CPAMD8: variants seen among roughly 807,000 people sequenced by gnomAD.
CPAMD8 encodes C3 and PZP like alpha-2-macroglobulin domain containing 8, also known as C3 and PZP-like alpha-2-macroglobulin domain-containing protein 8.
CPAMD8 carries 146 observed loss-of-function variants against 224.7 expected under a neutral mutation model. The observed-to-expected ratio is 0.65, with a 90% CI of 0.57 to 0.75. The LOEUF (loss-of-function observed/expected upper bound fraction) is 0.75. Ranked by LOEUF, CPAMD8 falls within the 30% of genes least tolerant of loss-of-function variation. CPAMD8 has a pLI of 0.00. For synonymous variants in CPAMD8, 966 were observed against 1,044.6 expected (o/e 0.92, Z 1.45); for missense variants, 2,301 against 2,537.5 (o/e 0.91, Z 2.00).
At chr19:16,944,938 A>C (rs2054020744) in intron 22 of CPAMD8, among the ~76,000 whole-genome samples, 1 of 152,126 alleles carries the variant, frequency 6.6e-6, no homozygotes, top group Non-Finnish European at 1.5e-5. Context: ...TGATGTGTCC[A>C]AGCAGCCAAG....
At chr19:16,942,846 A>T (rs2053946348) in intron 22 of CPAMD8, among the ~76,000 whole-genome samples, 1 of 152,176 alleles carries the variant, frequency 6.6e-6, no homozygotes, top group Non-Finnish European at 1.5e-5. Context: ...AGCCTGCATG[A>T]TGCACGAATA....
chr19:17,005,874 G>A (rs914517191), intron 7 of CPAMD8, among the ~76,000 whole-genome samples: 1 of 152,160 alleles, frequency 6.6e-6, no homozygotes, highest in Admixed American at 6.5e-5. Flanking sequence ...TGTTTTGTAA[G>A]GGGTCTGTGG....
rs769719516 is a variant in CPAMD8 at position 16,997,211 on chromosome 19, G to T, written c.995C>A (p.Ala332Glu). The change falls in exon 11 of 42, where the codon GCG (alanine) becomes GAG (glutamate). Residue 332 changes from alanine (A) to glutamate (E), a missense_variant. By Grantham distance (107) the Ala-to-Glu change is moderately radical. Around this residue, in one of 4 missense-constraint regions of CPAMD8, gnomAD observed 301 missense variants for 406.6 expected, o/e 0.74. Coordinates refer to ENST00000443236, the MANE Select transcript of CPAMD8 (RefSeq NM_015692.5). ...CTGCACGGGGGTGGAGTCATCGAAC[G>T]CGACCTGCTGGCTCCCGTCCACACT... ...VTSVDGSQQV[A>E]FDDSTPVQRQ... is the part of the protein sequence containing the mutation. 6.4e-7 allele frequency: 1 copy of T among 1,572,148 alleles called. No individual in the cohort carries two copies.
At chr19:16,929,270 A>G (rs745677160) in intron 23 of CPAMD8, 30 bp from the exon 24 acceptor site, 2 of 1,559,838 alleles carry the variant, frequency 1.3e-6, no homozygotes, top group Non-Finnish European at 1.7e-6. Flanking sequence ...TGGGGAGTTG[A>G]GAGGGCACCT....
chr19:16,980,521 G>A lies in CPAMD8; in HGVS notation c.1561C>T (p.Arg521Cys), dbSNP rs762584662. ...CCTGTCTCAGAAAGGTGTGTTAAAC[G>A]AATCGGTTTCTCCAGGGCAGGGGCC... ...RAAPALEKPI[R>C]LTHLSETEPP... Residue 521 changes from arginine (R) to cysteine (C), a missense_variant, in exon 14 of 42, where the codon CGT (arginine) becomes TGT (cysteine). Around this residue, in one of 4 missense-constraint regions of CPAMD8, gnomAD observed 301 missense variants for 406.6 expected, o/e 0.74. Coordinates refer to ENST00000443236, the MANE Select transcript of CPAMD8 (RefSeq NM_015692.5). 105 of 1,613,678 alleles carry A rather than the reference G, an allele frequency of 6.5e-5. No homozygotes were observed. Among genetic ancestry groups the A allele is most frequent in the Non-Finnish European group, 8.2e-5 (97 of 1,179,978 alleles).
chr19:16,894,921 A>AACACACACACAC (rs3032709), intron 41 of CPAMD8: 3,759 of 151,638 alleles, frequency 0.025, 173 homozygotes, highest in African/African-American at 0.086. Context: ...CCATCTCTAC[A>AACACACACACAC]ACACACACAC....
In CPAMD8 at chr19:16,906,407, T is replaced by TTTCCTTCCTTCC. The variant is rs553500267; in HGVS notation, c.4027+533_4027+544dup. 1.8e-3 allele frequency among the ~76,000 whole-genome samples: 125 copies of TTTCCTTCCTTCC among 69,876 alleles called. 2 individuals are homozygous for TTTCCTTCCTTCC. The highest frequency in any genetic ancestry group is 6.8e-3 in the African/African-American group (105 of 15,490). The allele number at this position is 69,876 out of a possible 152,430, so 45.8% of individuals were successfully genotyped here. On this transcript the variant is annotated intron_variant, in intron 30 of 41. Coordinates refer to ENST00000443236, the MANE Select transcript of CPAMD8 (RefSeq NM_015692.5). ...CTTTCTTTCTTTCTTTCTTTCTTTC[T>TTTCCTTCCTTCC]TTCCTTCCTTCCTTCCTTCCTTCCT...
At chr19:16,923,427 CA>C (rs1248986775) in intron 26 of CPAMD8, among the ~76,000 whole-genome samples, 3 of 152,146 alleles carry the variant, frequency 2.0e-5, no homozygotes, top group African/African-American at 7.2e-5. Context: ...AATCTGAGGG[CA>C]CCACTGTGTG....
chr19:16,955,296 GAA>G (rs57169828), intron 19 of CPAMD8, among the ~76,000 whole-genome samples: 46,529 of 129,746 alleles, frequency 0.36, 8,759 homozygotes, highest in African/African-American at 0.57. Flanking sequence ...TCCATCTCAA[GAA>G]AAAAAAAAAA....
At chr19:16,946,983 C>A (rs2054123053) in intron 21 of CPAMD8, 91 bp downstream of exon 21, 1 of 1,355,654 alleles carries the variant, frequency 7.4e-7, no homozygotes, top group Non-Finnish European at 1.0e-6. Flanking sequence ...ACCTGCTGCC[C>A]CATCCACCCC....
At position 16,975,504 on chromosome 19, in the gene CPAMD8, C is replaced by T. The variant is rs8101421; in HGVS notation, c.1909-246G>A. Among the ~76,000 whole-genome samples, 292 of 151,992 alleles carry T rather than the reference C, an allele frequency of 1.9e-3. 1 individual carries two copies. Among genetic ancestry groups the T allele is most frequent in the African/African-American group, 6.3e-3 (262 of 41,454 alleles). ...GGAGGCTGGCTTGTGCAAAGGAGTT[C>T]GAGACCAGCCTGGGCAACATAGCAA... On this transcript the variant is annotated intron_variant, in intron 16 of 41. Coordinates refer to ENST00000443236, the MANE Select transcript of CPAMD8 (RefSeq NM_015692.5).
At chr19:17,021,519 G>C (rs908349563) in intron 2 of CPAMD8, among the ~76,000 whole-genome samples, 3 of 152,190 alleles carry the variant, frequency 2.0e-5, no homozygotes, top group Non-Finnish European at 2.9e-5. Context: ...ACAGCTTTCT[G>C]AGCCAGGGAT....
At chr19:16,936,490 C>A (rs1004687793) in intron 23 of CPAMD8, among the ~76,000 whole-genome samples, 1 of 152,058 alleles carries the variant, frequency 6.6e-6, no homozygotes, top group Non-Finnish European at 1.5e-5. Flanking sequence ...GCAACCTCTG[C>A]CTCCCAGGTT....
At chr19:16,929,731 A>C (rs1335101358) in intron 23 of CPAMD8, among the ~76,000 whole-genome samples, 1 of 152,192 alleles carries the variant, frequency 6.6e-6, no homozygotes, top group Non-Finnish European at 1.5e-5. Flanking sequence ...CAAAAAGATA[A>C]GATGCTCAGG....
intron 20 of CPAMD8, among the ~76,000 whole-genome samples, chr19:16,948,822 G>C: frequency 8.4e-6 from 1 of 118,430 alleles, no homozygotes; most frequent in Admixed American, 8.6e-5. Flanking sequence ...AGAGGGGAAG[G>C]GAAGGGAAGG....
Position 17,011,518 on chromosome 19 carries a change from T to C in CPAMD8, c.434-2A>G. On this transcript the variant is annotated splice_acceptor_variant, in intron 4 of 41. Coordinates refer to ENST00000443236, the MANE Select transcript of CPAMD8 (RefSeq NM_015692.5). LOFTEE classifies it high-confidence loss of function. ...AGACGGTGAAGATGCTTATGAGCACTAGAAGAAAGAAGAGAGGCGTGTGAC... is the reference window on the plus strand; with the variant it reads ...AGACGGTGAAGATGCTTATGAGCACCAGAAGAAAGAAGAGAGGCGTGTGAC... 1.2e-6 allele frequency: 2 copies of C among 1,614,098 alleles called. No individual in the cohort carries two copies. The highest frequency in any genetic ancestry group is 1.7e-6 in the Non-Finnish European group (2 of 1,180,024).
intron 12 of CPAMD8, among the ~76,000 whole-genome samples, chr19:16,991,972 G>A (rs1489994725): frequency 1.3e-5 from 2 of 152,122 alleles, no homozygotes; most frequent in African/African-American, 4.8e-5. Flanking sequence ...CAAGTGGCAA[G>A]GCAGTGGCTT....
At chr19:17,003,913 C>CT (rs572893226) in intron 8 of CPAMD8, among the ~76,000 whole-genome samples, 4,900 of 145,110 alleles carry the variant, frequency 0.034, 100 homozygotes, top group South Asian at 0.071. Context: ...TTTTCTTTTT[C>CT]TTTTTTTTTT....
intron 21 of CPAMD8, among the ~76,000 whole-genome samples, chr19:16,946,750 T>G (rs8102158): frequency 0.18 from 26,300 of 149,678 alleles, 2,415 homozygotes; most frequent in East Asian, 0.28. Flanking sequence ...CGTGTGTGTG[T>G]GGATTTGTGT....
Sources: allele counts gnomAD v4.1 joint callset (sites outside exome capture counted in the v4.1 genomes callset), GRCh38; gene constraint gnomAD v4.1.1; regional missense constraint gnomAD v4.1.1; transcripts MANE v1.5; gene names NCBI Gene and HGNC (gene_info 2026-07-23, HGNC 2026-07-21).